BST2: variants seen among roughly 807,000 people sequenced by gnomAD.
BST2 encodes bone marrow stromal cell antigen 2.
Under a neutral mutation model 18.6 loss-of-function variants are expected in BST2, and 10 were observed. The ratio of observed to expected loss-of-function variants is 0.54; its 90% CI spans 0.33 to 0.91. The LOEUF (loss-of-function observed/expected upper bound fraction) is 0.91. Ranked by LOEUF, BST2 falls within the 40% of genes least tolerant of loss-of-function variation. The pLI, the probability that BST2 is intolerant of heterozygous loss-of-function variation, is 0.02. For missense variants in BST2, 183 were observed against 228.4 expected (o/e 0.80, Z 1.28); for synonymous variants, 75 against 96.8 (o/e 0.77, Z 1.32).
At position 17,403,965 on chromosome 19, in the gene BST2, C is replaced by T. The variant is rs2145745020; in HGVS notation, c.414-141G>A. The T allele has an allele frequency of 9.0e-6, 12 of 1,335,248 alleles. No individual in the cohort carries two copies. The South Asian group carries it at 1.6e-4, about 18-fold the overall frequency. The allele number at this position is 1,335,248 out of a possible 1,614,324, so 82.7% of individuals were successfully genotyped here. Reference sequence around the variant, plus strand: ...GGGAATGGACAGCGGCCACCCATGGCTCTGTGACCCTAGGGGCTAAGTTAT... The same window carrying T: ...GGGAATGGACAGCGGCCACCCATGGTTCTGTGACCCTAGGGGCTAAGTTAT... On this transcript the variant is annotated intron_variant, in intron 3 of 4. Transcript: ENST00000252593.
rs1950542901 is a variant in BST2, at chr19:17,404,429, T to C, written c.294A>G (p.Leu98=). The C allele has an allele frequency of 6.2e-7, 1 of 1,614,120 alleles. No homozygotes were observed. Among genetic ancestry groups the C allele is most frequent in the Non-Finnish European group, 8.5e-7 (1 of 1,180,016 alleles). The stretch of plus-strand genomic sequence containing the variant: ...CCTTCTCTGCATCCAGGGAAGCCAT[T>C]AGGGCCATCTAAGAAGAGTTAGAAT... The part of the protein sequence containing the change: ...AATCNHTVMA[L]MASLDAEKAQ... The change falls in exon 2 of 5, where the codon CTA becomes CTG. Residue 98 remains leucine (L), a synonymous_variant. Transcript: ENST00000252593.
chr19:17,405,266 C>T, intron 1 of BST2, 25 bp downstream of exon 1: 7 of 1,589,086 alleles, frequency 4.4e-6, no homozygotes, highest in South Asian at 1.1e-5. Context: ...AGTACTAGGC[C>T]ATCCAAAGGA....
intron 1 of BST2, among the ~76,000 whole-genome samples, chr19:17,404,868 A>G (rs2074716776): frequency 6.6e-6 from 1 of 152,148 alleles, no homozygotes; most frequent in South Asian, 2.1e-4. Context: ...TCAGTTTCTT[A>G]GGGATGAAGT....
At position 17,404,153 on chromosome 19, in the gene BST2, G is replaced by A. The variant is rs1004079821; in HGVS notation, c.389C>T (p.Ala130Val). 2 of 1,597,770 alleles carry A rather than the reference G, an allele frequency of 1.3e-6. No individual in the cohort carries two copies. Among genetic ancestry groups the A allele is most frequent in the South Asian group, 1.1e-5 (1 of 88,806 alleles). The change falls in exon 3 of 5, where the codon GCG becomes GTG. Residue 130 changes from alanine (A) to valine (V), a missense_variant. Ala to Val is a moderately conservative substitution (Grantham distance 64). Coordinates refer to ENST00000252593, the MANE Select transcript of BST2 (RefSeq NM_004335.4). ...ITTLNHKLQD[A>V]SAEVERLRRE... ...CCTCAGTCGCTCCACCTCTGCAGAC[G>A]CGTCCTGAAGCTTATGGTTTAATGT...
At chr19:17,404,269 C>A in intron 2 of BST2, 80 bp from the exon 3 acceptor site, 1 of 1,558,004 alleles carries the variant, frequency 6.4e-7, no homozygotes, top group Non-Finnish European at 8.8e-7. Context: ...TGGGACAGAA[C>A]CTCCCCCTTA....
chr19:17,404,274 C>A, intron 2 of BST2, 85 bp from the exon 3 acceptor site: 1 of 1,553,558 alleles, frequency 6.4e-7, no homozygotes. Flanking sequence ...CAGAACCTCC[C>A]CCTTACCCCA....
In BST2 at chr19:17,403,008, C is replaced by A. The variant is rs907167112; in HGVS notation, c.*334G>T. 61 of 984,892 alleles carry A rather than the reference C, an allele frequency of 6.2e-5. No homozygotes were observed. Among genetic ancestry groups the A allele is most frequent in the Non-Finnish European group, 7.0e-5 (58 of 829,842 alleles). 61.0% of individuals were successfully genotyped at this position (984,892 alleles called of 1,614,324 possible). A position where few individuals can be genotyped will look rare whatever the true frequency, so the allele number is the denominator to read the frequency against. ...CAAAGACCCCAGAAAAAAGCAACCC[C>A]CCCCGCAAAAAAAACCCATAACAAC... On this transcript the variant is annotated 3_prime_UTR_variant, in exon 5 of 5. Coordinates refer to ENST00000252593, the MANE Select transcript of BST2 (RefSeq NM_004335.4).
At chr19:17,405,252 G>T (rs529281744) in intron 1 of BST2, 39 bp downstream of exon 1, 2 of 1,558,318 alleles carry the variant, frequency 1.3e-6, no homozygotes, top group East Asian at 2.3e-5. Flanking sequence ...CCCTCCCACC[G>T]CCTAGTACTA....
intron 4 of BST2, 140 bp downstream of exon 4, chr19:17,403,540 C>T (rs2074708127): frequency 6.9e-6 from 8 of 1,162,090 alleles, no homozygotes; most frequent in Non-Finnish European, 9.0e-6. Flanking sequence ...ACTGGATTCT[C>T]CCTCCTTCCC....
At position 17,403,710 on chromosome 19, in the gene BST2, G is replaced by A; in HGVS notation, c.528C>T (p.Ser176=). 6.2e-7 allele frequency: 1 copy of A among 1,613,112 alleles called. No individual in the cohort carries two copies. The highest frequency in any genetic ancestry group is 8.5e-7 in the Non-Finnish European group (1 of 1,179,832). ...TCCTGGGATCTCACTGCAGCAGAGC[G>A]CTGAGGCCCAGCAGCACAATCAGCA... ...PQLLIVLLGL[S]ALLQ Residue 176 remains serine, a synonymous_variant, in exon 4 of 5, where the codon AGC becomes AGT. Coordinates refer to ENST00000252593, the MANE Select transcript of BST2 (RefSeq NM_004335.4).
intron 4 of BST2, 80 bp from the exon 5 acceptor site, chr19:17,403,406 G>GCCC (rs2074707104): frequency 2.5e-6 from 2 of 784,986 alleles, no homozygotes; most frequent in Non-Finnish European, 2.8e-6. Context: ...CCCAAGCCCC[G>GCCC]CCCCCATCGC....
At position 17,404,127 on chromosome 19, in the gene BST2, A is replaced by T. The variant is rs112958104; in HGVS notation, c.413+2T>A. ...GGGTAGCGGGGGAAGGCTATCTCTGACCTCAGTCGCTCCACCTCTGCAGAC... is the reference window on the plus strand; with the variant it reads ...GGGTAGCGGGGGAAGGCTATCTCTGTCCTCAGTCGCTCCACCTCTGCAGAC... On this transcript the variant is annotated splice_donor_variant, in intron 3 of 4. Transcript: ENST00000252593. LOFTEE classifies it high-confidence loss of function. 2 of 1,584,594 alleles carry T rather than the reference A, an allele frequency of 1.3e-6. No homozygotes were observed. Among genetic ancestry groups the T allele is most frequent in the East Asian group, 4.6e-5 (2 of 43,148 alleles).
In BST2 at chr19:17,403,677, G is replaced by A. The variant is rs1407953235; in HGVS notation, c.*15+3C>T. ...CTCCCGGGGCCGCCCCCTCCTCACT[G>A]ACCAGCTTCCTGGGATCTCACTGCA... is the stretch of plus-strand genomic sequence containing the variant. On this transcript the variant is annotated splice_donor_region_variant and intron_variant, in intron 4 of 4. Transcript: ENST00000252593. 5 of 1,608,220 alleles carry A rather than the reference G, an allele frequency of 3.1e-6. No homozygotes were observed. The South Asian group carries it at 5.5e-5, about 18-fold the overall frequency.
At position 17,404,077 on chromosome 19, in the gene BST2, G is replaced by A; in HGVS notation, c.413+52C>T. 2.0e-6 allele frequency: 3 copies of A among 1,523,614 alleles called. No homozygotes were observed. The Admixed American group carries it at 5.8e-5, about 29-fold the overall frequency. The allele number at this position is 1,523,614 out of a possible 1,614,324, so 94.4% of individuals were successfully genotyped here. ...CCTGGGTCTTGGGCTAGGGATGTGG[G>A]GGTGAGAGGAATGTGGCAGGTGGAG... On this transcript the variant is annotated intron_variant, in intron 3 of 4. Transcript: ENST00000252593.
At chr19:17,405,257 G>A (rs776833981) in intron 1 of BST2, 34 bp downstream of exon 1, 1 of 1,582,450 alleles carries the variant, frequency 6.3e-7, no homozygotes, top group South Asian at 1.2e-5. Flanking sequence ...CCACCGCCTA[G>A]TACTAGGCCA....
Position 17,404,352 on chromosome 19 carries a change from T to G in BST2, c.352+19A>C. On this transcript the variant is annotated intron_variant, in intron 2 of 4. Coordinates refer to ENST00000252593, the MANE Select transcript of BST2 (RefSeq NM_004335.4). Reference sequence around the variant, plus strand: ...CCTGACTCACCCCTCCCCGGCCCTCTCCCTTCTCCCTTTCTCACCCTCAAG... The same window carrying G: ...CCTGACTCACCCCTCCCCGGCCCTCGCCCTTCTCCCTTTCTCACCCTCAAG... The G allele has an allele frequency of 6.7e-7, 1 of 1,492,736 alleles. No homozygotes were observed. The highest frequency in any genetic ancestry group is 1.1e-5 in the South Asian group (1 of 88,270). The allele number at this position is 1,492,736 out of a possible 1,614,324, so 92.5% of individuals were successfully genotyped here.
In BST2 at chr19:17,403,702, A is replaced by C; in HGVS notation, c.536T>G (p.Leu179Arg). The C allele has an allele frequency of 6.2e-7, 1 of 1,612,020 alleles. No homozygotes were observed. Among genetic ancestry groups the C allele is most frequent in the Non-Finnish European group, 8.5e-7 (1 of 1,179,586 alleles). Residue 179 changes from leucine to arginine, a missense_variant, in exon 4 of 5, where the codon CTG becomes CGG. Physicochemically the swap from Leu to Arg is moderately radical, Grantham distance 102. Coordinates refer to ENST00000252593, the MANE Select transcript of BST2 (RefSeq NM_004335.4). Reference protein sequence around the residue: ...LIVLLGLSALLQ With the variant: ...LIVLLGLSALRQ The stretch of plus-strand genomic sequence containing the variant: ...GACCAGCTTCCTGGGATCTCACTGC[A>C]GCAGAGCGCTGAGGCCCAGCAGCAC...
At position 17,404,060 on chromosome 19, in the gene BST2, T is replaced by C. The variant is rs554813102; in HGVS notation, c.413+69A>G. The C allele has an allele frequency of 7.6e-5, 114 of 1,493,086 alleles. No homozygotes were observed. In the East Asian group the frequency reaches 2.6e-3, roughly 34 times the overall value. The allele number at this position is 1,493,086 out of a possible 1,614,324, so 92.5% of individuals were successfully genotyped here. A position where few individuals can be genotyped will look rare whatever the true frequency, so the allele number is the denominator to read the frequency against. On this transcript the variant is annotated intron_variant, in intron 3 of 4. Transcript: ENST00000252593. ...TTGGGAGCAAAGGAGATCCTGGGTC[T>C]TGGGCTAGGGATGTGGGGGTGAGAG...
chr19:17,405,571 G>A lies in BST2; in HGVS notation c.5C>T (p.Ala2Val), dbSNP rs745785885. The A allele has an allele frequency of 6.4e-7, 1 of 1,558,182 alleles. No individual in the cohort carries two copies. The highest frequency in any genetic ancestry group is 8.6e-7 in the Non-Finnish European group (1 of 1,157,918). Reference protein sequence around the residue: MASTSYDYCRVP... With the variant: MVSTSYDYCRVP... The stretch of plus-strand genomic sequence containing the variant: ...TCTGCAATAGTCATACGAAGTAGAT[G>A]CCATCCAGATCTCCCCTTTAGAGTC... The change falls in exon 1 of 5, where the codon GCA becomes GTA. Residue 2 changes from alanine to valine, a missense_variant. Physicochemically the swap from Ala to Val is moderately conservative, Grantham distance 64. Transcript: ENST00000252593.
Sources: gnomAD v4.1 joint callset for allele counts (sites outside exome capture counted in the v4.1 genomes callset) on GRCh38, gnomAD v4.1.1 for gene constraint, MANE v1.5 for transcripts, NCBI Gene and HGNC (gene_info 2026-07-23, HGNC 2026-07-21) for gene names.